BAD: variants seen among roughly 807,000 people sequenced by gnomAD.
BAD encodes the protein BCL2 associated agonist of cell death.
In BAD, 18 loss-of-function variants were observed where a neutral mutation model predicts 17.8. The ratio of observed to expected loss-of-function variants is 1.01; its 90% confidence interval spans 0.70 to 1.50. The LOEUF is 1.50. Among genes scored for constraint, BAD ranks in the 40% most tolerant of loss-of-function variants. The pLI is 0.00. For synonymous variants in BAD, 112 were observed against 91.5 expected (o/e 1.22, Z -1.28); for missense variants, 294 against 239.3 (o/e 1.23, Z -1.51).
At chr11:64,277,915 T>C (rs1474600635) in intron 2 of BAD, among the ~76,000 whole-genome samples, 3 of 152,200 alleles carry the variant, frequency 2.0e-5, no homozygotes, top group Admixed American at 2.0e-4. Flanking sequence ...CCACTAACAC[T>C]TTCTTTAGGG....
chr11:64,270,658 G>A (rs1226302019), intron 3 of BAD: 1 of 589,552 alleles, frequency 1.7e-6, no homozygotes, highest in South Asian at 1.5e-5. Context: ...GGCCGGGAGC[G>A]ATGGTGAGCG....
chr11:64,282,514 C>G (rs1034543179), intron 2 of BAD, among the ~76,000 whole-genome samples: 2 of 149,740 alleles, frequency 1.3e-5, no homozygotes, highest in Non-Finnish European at 3.0e-5. Flanking sequence ...GCAGGAGGAT[C>G]GTTTGAGCCC....
At chr11:64,272,298 G>A (rs568366195) in intron 2 of BAD, among the ~76,000 whole-genome samples, 3 of 151,270 alleles carry the variant, frequency 2.0e-5, no homozygotes, top group African/African-American at 4.8e-5. Flanking sequence ...CAGCCTGGGC[G>A]ACAGGCTTTT....
At chr11:64,276,890 C>G (rs1345524959) in intron 2 of BAD, 1 of 754,380 alleles carries the variant, frequency 1.3e-6, no homozygotes, top group Non-Finnish European at 2.5e-6. Context: ...GTGCCCCAGG[C>G]CCCAGCATGG....
chr11:64,279,047 G>A (rs1343554424), intron 2 of BAD, among the ~76,000 whole-genome samples: 2 of 152,090 alleles, frequency 1.3e-5, no homozygotes, highest in South Asian at 2.1e-4. Flanking sequence ...GGGAGGTGTC[G>A]TCCCTGGCCT....
chr11:64,277,099 G>GAATTGCACACTT (rs1377826177), intron 2 of BAD: 4 of 669,386 alleles, frequency 6.0e-6, no homozygotes, highest in Admixed American at 2.2e-5. Flanking sequence ...CTTGCACACT[G>GAATTGCACACTT]AATTGCACAC....
Position 64,276,411 on chromosome 11 carries a change from C to A in BAD, c.188-4608G>T, listed in dbSNP as rs200893105. 1.7e-3 allele frequency: 258 copies of A among 153,210 alleles called. 2 individuals carry two copies. In the South Asian group the frequency reaches 0.023, roughly 14 times the overall value. 9.5% of individuals were successfully genotyped at this position (153,210 alleles called of 1,614,324 possible). ...ATGTGATCTTGGCTCACTGCAACCT[C>A]TGCTCACCAGGTTCAAATGATTCTC... On this transcript the variant is annotated intron_variant, in intron 2 of 3. Coordinates refer to ENST00000309032, the MANE Select transcript of BAD (RefSeq NM_032989.3).
chr11:64,270,588 GAAAGGCCA>G (rs1289953851), intron 3 of BAD: 4 of 693,836 alleles, frequency 5.8e-6, no homozygotes, highest in Non-Finnish European at 1.0e-5. Context: ...GCCCTAAATG[GAAAGGCCA>G]GAGCTGGAGA....
intron 2 of BAD, chr11:64,276,616 G>C (rs565885619): frequency 3.6e-5 from 11 of 303,664 alleles, no homozygotes; most frequent in Non-Finnish European, 5.6e-5. Context: ...CGTGAGCCAC[G>C]GTGCCCAGCC....
In BAD at chr11:64,284,287, C is replaced by G; in HGVS notation, c.82G>C (p.Gly28Arg). 1 of 1,611,962 alleles carries G rather than the reference C, an allele frequency of 6.2e-7. No individual in the cohort carries two copies. Among genetic ancestry groups the G allele is most frequent in the Non-Finnish European group, 8.5e-7 (1 of 1,179,954 alleles). Residue 28 changes from glycine (G) to arginine (R), a missense_variant, in exon 2 of 4, where the codon GGG becomes CGG. Physicochemically the swap from Gly to Arg is moderately radical, Grantham distance 125. Transcript: ENST00000309032. ...TTGCCGGAGCCTGAGGGCCCGTCCC[C>G]TGCGGGGCTGGGGCCCAGGCCCCTC... Reference protein sequence around the residue: ...AERGLGPSPAGDGPSGSGKHH... With the variant: ...AERGLGPSPARDGPSGSGKHH...
intron 2 of BAD, among the ~76,000 whole-genome samples, chr11:64,278,858 G>C (rs1215992281): frequency 6.6e-6 from 1 of 152,234 alleles, no homozygotes; most frequent in Non-Finnish European, 1.5e-5. Flanking sequence ...CAGGTAGAGA[G>C]GGCAGAGGCC....
chr11:64,275,643 G>A (rs1007109266), intron 2 of BAD: 6 of 152,108 alleles, frequency 3.9e-5, no homozygotes, highest in Non-Finnish European at 7.3e-5. Context: ...CGTGTGGCTG[G>A]GACAGCCTGC....
At chr11:64,279,372 T>C (rs2033276586) in intron 2 of BAD, among the ~76,000 whole-genome samples, 2 of 152,104 alleles carry the variant, frequency 1.3e-5, no homozygotes, top group South Asian at 4.1e-4. Flanking sequence ...CTGAAGCCCC[T>C]ACCCCTAACT....
At position 64,284,192 on chromosome 11, in the gene BAD, G is replaced by A; in HGVS notation, c.177C>T (p.Ser59=). Residue 59 remains serine (S), a synonymous_variant, in exon 2 of 4, where the codon AGC becomes AGT. Coordinates refer to ENST00000309032, the MANE Select transcript of BAD (RefSeq NM_032989.3). ...TGGTGGGGTACTTACCTCCATGATGGCTGCTGCTGGTTGGCTGCTCCTGCT... is the reference window on the plus strand; with the variant it reads ...TGGTGGGGTACTTACCTCCATGATGACTGCTGCTGGTTGGCTGCTCCTGCT... ...SHQQEQPTSS[S]HHGGAGAVEI... 1 of 1,596,908 alleles carries A rather than the reference G, an allele frequency of 6.3e-7. No individual in the cohort carries two copies. Among genetic ancestry groups the A allele is most frequent in the Non-Finnish European group, 8.5e-7 (1 of 1,171,344 alleles).
At chr11:64,278,322 C>A (rs934861664) in intron 2 of BAD, among the ~76,000 whole-genome samples, 1 of 151,076 alleles carries the variant, frequency 6.6e-6, no homozygotes, top group African/African-American at 2.4e-5. Flanking sequence ...GAGATTGCAC[C>A]ACTGCACTCC....
At position 64,269,877 on chromosome 11, in the gene BAD, C is replaced by T; in HGVS notation, c.*332G>A. The stretch of plus-strand genomic sequence containing the variant: ...TTAACATTTGGTAGTGAGCACGGCC[C>T]CCAGGGCATCGCGGGGGCTCGGGTC... On this transcript the variant is annotated 3_prime_UTR_variant, in exon 4 of 4. Coordinates refer to ENST00000309032, the MANE Select transcript of BAD (RefSeq NM_032989.3). The T allele has an allele frequency of 2.9e-6, 2 of 699,196 alleles. No homozygotes were observed. Among genetic ancestry groups the T allele is most frequent in the South Asian group, 3.0e-5 (2 of 66,664 alleles). The allele number at this position is 699,196 out of a possible 1,614,324, so 43.3% of individuals were successfully genotyped here.
rs1329689548 is a variant in BAD at position 64,270,898 on chromosome 11, GAGAC to G, written c.379-565_379-562del. Among the ~76,000 whole-genome samples, 38 of 86,772 alleles carry G rather than the reference GAGAC, an allele frequency of 4.4e-4. 1 individual carries two copies. The highest frequency in any genetic ancestry group is 2.3e-3 in the South Asian group (5 of 2,132). 56.9% of individuals were successfully genotyped at this position (86,772 alleles called of 152,430 possible). A position where few individuals can be genotyped will look rare whatever the true frequency, so the allele number is the denominator to read the frequency against. ...GACTACAGATCCCAGCATGCCCTGT[GAGAC>G]ACACACACACACACACACACACACA... On this transcript the variant is annotated intron_variant, in intron 3 of 3. Transcript: ENST00000309032.
chr11:64,270,288 T>A lies in BAD; in HGVS notation c.428A>T (p.Gln143Leu). ...KSAGTATQMR[Q>L]SSSWTRVFQS... is the part of the protein sequence containing the mutation. ...GAAGACTCGCGTCCAGCTGGAGCTTTGCCGCATCTGCGTTGCTGTGCCCGC... is the reference window on the plus strand; with the variant it reads ...GAAGACTCGCGTCCAGCTGGAGCTTAGCCGCATCTGCGTTGCTGTGCCCGC... The change falls in exon 4 of 4, where the codon CAA becomes CTA. Residue 143 changes from glutamine (Q) to leucine (L), a missense_variant. Gln to Leu is a moderately radical substitution (Grantham distance 113). Coordinates refer to ENST00000309032, the MANE Select transcript of BAD (RefSeq NM_032989.3). 3 of 1,585,552 alleles carry A rather than the reference T, an allele frequency of 1.9e-6. No homozygotes were observed. The highest frequency in any genetic ancestry group is 2.6e-6 in the Non-Finnish European group (3 of 1,160,498).
chr11:64,271,381 TCACACACACA>T (rs58303026), intron 3 of BAD, among the ~76,000 whole-genome samples: 1 of 60,202 alleles, frequency 1.7e-5, no homozygotes, highest in Non-Finnish European at 3.7e-5. Flanking sequence ...GCCCTGTGAC[TCACACACACA>T]CACACACACA....
Sources: allele counts gnomAD v4.1 joint callset (sites outside exome capture counted in the v4.1 genomes callset), GRCh38; gene constraint gnomAD v4.1.1; transcripts MANE v1.5; gene names NCBI Gene and HGNC (gene_info 2026-07-23, HGNC 2026-07-21).